Variants in BRINP3 observed in about 807,000 individuals in gnomAD.
BRINP3 encodes BMP/retinoic acid inducible neural specific 3, also known as BMP/retinoic acid-inducible neural-specific protein 3.
In BRINP3, 19 loss-of-function variants were observed where a neutral mutation model predicts 71.0. The ratio of observed to expected loss-of-function variants is 0.27; its 90% CI spans 0.19 to 0.39. The LOEUF (loss-of-function observed/expected upper bound fraction) is 0.39. Among genes scored for constraint, BRINP3 ranks in the 10% least tolerant of loss-of-function variants. The pLI is 1.00. For missense variants in BRINP3, 959 were observed against 940.8 expected (o/e 1.02, Z -0.25); for synonymous variants, 380 against 337.7 (o/e 1.13, Z -1.37).
intron 2 of BRINP3, among the ~76,000 whole-genome samples, chr1:190,383,769 C>T (rs960683485): frequency 1.4e-4 from 22 of 151,900 alleles, no homozygotes; most frequent in Non-Finnish European, 2.9e-5. Context: ...TGTGAAAAAA[C>T]ACTTCTGAAT....
At chr1:190,449,606 T>C (rs1406374885) in intron 2 of BRINP3, among the ~76,000 whole-genome samples, 2 of 152,012 alleles carry the variant, frequency 1.3e-5, no homozygotes, top group African/African-American at 2.4e-5. Context: ...TATTACTGTA[T>C]TATTTTATTT....
Position 190,322,665 on chromosome 1 carries a change from A to G in BRINP3, c.237-40915T>C, listed in dbSNP as rs556264125. Among the ~76,000 whole-genome samples the G allele has an allele frequency of 7.9e-5, 12 of 152,228 alleles. No homozygotes were observed. In the East Asian group the frequency reaches 2.1e-3, roughly 27 times the overall value. ...AAACCCTTGCCAAAGCCAACATGTC[A>G]ATCTTCCCAACATACTTCTCAGAAA... On this transcript the variant is annotated intron_variant, in intron 2 of 7. Coordinates refer to ENST00000367462, the MANE Select transcript of BRINP3 (RefSeq NM_199051.3).
At chr1:190,224,576 G>T (rs543292045) in intron 6 of BRINP3, among the ~76,000 whole-genome samples, 143 of 151,978 alleles carry the variant, frequency 9.4e-4, no homozygotes, top group African/African-American at 2.5e-3. Context: ...TCTGGGCAAA[G>T]ATTTTTTTGT....
chr1:190,264,782 T>C (rs1300533819), intron 4 of BRINP3, 83 bp downstream of exon 4: 1 of 1,087,050 alleles, frequency 9.2e-7, no homozygotes, highest in Non-Finnish European at 1.3e-6. Flanking sequence ...ATTCATGGAA[T>C]AAGCAAATAC....
At chr1:190,327,331 A>AAAAAAAAAAAAAAAAAAAAAAAG (rs1666659153) in intron 2 of BRINP3, among the ~76,000 whole-genome samples, 1 of 98,832 alleles carries the variant, frequency 1.0e-5, no homozygotes, top group Non-Finnish European at 1.8e-5. Context: ...AAGAACAAAA[A>AAAAAAAAAAAAAAAAAAAAAAAG]AAAAAAAAAA....
chr1:190,468,549 A>G (rs1676918350), intron 1 of BRINP3, among the ~76,000 whole-genome samples: 1 of 151,272 alleles, frequency 6.6e-6, no homozygotes, highest in African/African-American at 2.4e-5. Flanking sequence ...TTCACTCTAA[A>G]AGGAAACAAG....
At chr1:190,412,400 T>TAC (rs1672730546) in intron 2 of BRINP3, among the ~76,000 whole-genome samples, 1 of 136,188 alleles carries the variant, frequency 7.3e-6, no homozygotes, top group Non-Finnish European at 1.6e-5. Flanking sequence ...ATATATTATA[T>TAC]ATATATATAT....
chr1:190,404,462 C>A (rs962917913), intron 2 of BRINP3, among the ~76,000 whole-genome samples: 1 of 152,032 alleles, frequency 6.6e-6, no homozygotes, highest in Non-Finnish European at 1.5e-5. Flanking sequence ...ATGCTCACGA[C>A]GTGTTATTTA....
At chr1:190,258,293 C>A in intron 4 of BRINP3, among the ~76,000 whole-genome samples, 1 of 152,164 alleles carries the variant, frequency 6.6e-6, no homozygotes, top group South Asian at 2.1e-4. Flanking sequence ...CTCACTGAGC[C>A]AGGCACGGGA....
intron 2 of BRINP3, among the ~76,000 whole-genome samples, chr1:190,345,519 AT>A (rs1200575084): frequency 6.6e-6 from 1 of 151,528 alleles, no homozygotes; most frequent in Non-Finnish European, 1.5e-5. Flanking sequence ...ATATATATCT[AT>A]TTCATCATAT....
rs138976875 is a variant in BRINP3, at chr1:190,379,418, G to T, written c.236+75237C>A. ...TGATCACAAAGTAATTACAGCTTGA[G>T]ATTATTGCTATGGAGGAAGAAAAAA... On this transcript the variant is annotated intron_variant, in intron 2 of 7. Coordinates refer to ENST00000367462, the MANE Select transcript of BRINP3 (RefSeq NM_199051.3). 1.7e-4 allele frequency among the ~76,000 whole-genome samples: 26 copies of T among 152,172 alleles called. No homozygotes were observed. In the South Asian group the frequency reaches 5.0e-3, roughly 29 times the overall value.
chr1:190,358,586 T>C (rs1451963587), intron 2 of BRINP3, among the ~76,000 whole-genome samples: 1 of 152,132 alleles, frequency 6.6e-6, no homozygotes, highest in Non-Finnish European at 1.5e-5. Context: ...AGTTCAACCA[T>C]TGTGGAAGTC....
At chr1:190,467,271 C>A (rs1676821800) in intron 1 of BRINP3, among the ~76,000 whole-genome samples, 8 of 151,468 alleles carry the variant, frequency 5.3e-5, no homozygotes, top group Admixed American at 4.6e-4. Flanking sequence ...AAACTGTAAG[C>A]ATCTTATGAG....
chr1:190,222,250 T>G (rs1322301799), intron 6 of BRINP3, among the ~76,000 whole-genome samples: 2 of 151,096 alleles, frequency 1.3e-5, no homozygotes, highest in Non-Finnish European at 3.0e-5. Flanking sequence ...AACCACAAAT[T>G]GAAAACAAGA....
intron 5 of BRINP3, among the ~76,000 whole-genome samples, chr1:190,229,649 C>A (rs1013496608): frequency 9.6e-6 from 1 of 104,622 alleles, no homozygotes; most frequent in Non-Finnish European, 1.8e-5. Context: ...AAACAAAACA[C>A]ACACACACAC....
intron 4 of BRINP3, among the ~76,000 whole-genome samples, chr1:190,244,647 G>A (rs1195753394): frequency 1.3e-5 from 2 of 152,036 alleles, no homozygotes; most frequent in Non-Finnish European, 2.9e-5. Flanking sequence ...TCAAAATCCC[G>A]ACGAACAGTC....
chr1:190,362,023 GA>G (rs757525672), intron 2 of BRINP3: 1 of 152,112 alleles, frequency 6.6e-6, no homozygotes, highest in African/African-American at 2.4e-5. Flanking sequence ...AAAGATACCA[GA>G]TAACTTGGTC....
chr1:190,146,757 T>C (rs1655925335), intron 7 of BRINP3, among the ~76,000 whole-genome samples: 1 of 152,118 alleles, frequency 6.6e-6, no homozygotes, highest in South Asian at 2.1e-4. Flanking sequence ...CCTAGTCTAC[T>C]ATCATTATCC....
chr1:190,152,832 G>T (rs1656535694), intron 7 of BRINP3, among the ~76,000 whole-genome samples: 1 of 151,930 alleles, frequency 6.6e-6, no homozygotes, highest in African/African-American at 2.4e-5. Context: ...GACTGGCATG[G>T]CTGACAAATA....
Sources: allele counts gnomAD v4.1 joint callset (sites outside exome capture counted in the v4.1 genomes callset), GRCh38; gene constraint gnomAD v4.1.1; transcripts MANE v1.5; gene names NCBI Gene and HGNC (gene_info 2026-07-23, HGNC 2026-07-21).